OXR1: variants seen among roughly 807,000 people sequenced by gnomAD.
OXR1 encodes the protein oxidation resistance protein 1.
Under a neutral mutation model 104.6 loss-of-function variants are expected in OXR1, and 41 were observed. The observed-to-expected ratio is 0.39, with a 90% confidence interval of 0.31 to 0.51. The LOEUF is 0.51. Ranked by LOEUF, OXR1 falls within the 20% of genes least tolerant of loss-of-function variation. The pLI is 0.77. For synonymous variants in OXR1, 348 were observed against 348.4 expected (o/e 1.00, Z 0.01); for missense variants, 955 against 1,031.9 (o/e 0.93, Z 1.02).
At chr8:106,348,236 G>A (rs1376922811) in intron 1 of OXR1, among the ~76,000 whole-genome samples, 3 of 152,090 alleles carry the variant, frequency 2.0e-5, no homozygotes, top group African/African-American at 7.2e-5. Flanking sequence ...TATCAACAAG[G>A]TGACTTGGGC....
At chr8:106,549,792 C>T (rs926495354) in intron 3 of OXR1, among the ~76,000 whole-genome samples, 6 of 152,144 alleles carry the variant, frequency 3.9e-5, no homozygotes, top group African/African-American at 1.4e-4. Flanking sequence ...CATCATGGCT[C>T]TGCTCTCAGG....
chr8:106,453,340 C>T (rs1024461504), intron 2 of OXR1, among the ~76,000 whole-genome samples: 71 of 152,148 alleles, frequency 4.7e-4, no homozygotes, highest in Non-Finnish European at 1.8e-4. Context: ...GTACATGGAC[C>T]ACTTTGAAAA....
chr8:106,323,224 G>A, intron 1 of OXR1, among the ~76,000 whole-genome samples: 1 of 152,118 alleles, frequency 6.6e-6, no homozygotes, highest in Admixed American at 6.6e-5. Flanking sequence ...AGCCCAGAAA[G>A]AAGTCTGCAC....
chr8:106,511,534 C>T (rs756674800), intron 2 of OXR1, among the ~76,000 whole-genome samples: 3 of 121,484 alleles, frequency 2.5e-5, no homozygotes, highest in Admixed American at 9.7e-5. Context: ...CTCACACACA[C>T]ATACACACAC....
chr8:106,499,241 T>C (rs1365536310), intron 2 of OXR1, among the ~76,000 whole-genome samples: 2 of 151,846 alleles, frequency 1.3e-5, no homozygotes, highest in Non-Finnish European at 2.9e-5. Context: ...TTGACAACTA[T>C]AATTTTGCTT....
At chr8:106,408,153 T>C (rs549818437) in intron 2 of OXR1, among the ~76,000 whole-genome samples, 2 of 152,278 alleles carry the variant, frequency 1.3e-5, no homozygotes, top group African/African-American at 2.4e-5. Flanking sequence ...GCGTTGCTCT[T>C]GAGAACCCCT....
intron 12 of OXR1, 74 bp downstream of exon 12, chr8:106,737,674 A>T: frequency 1.9e-6 from 1 of 519,694 alleles, no homozygotes; most frequent in Admixed American, 4.1e-5. Flanking sequence ...GTCATGGCAA[A>T]TCTCATTTGA....
chr8:106,411,110 T>G (rs990484476), intron 2 of OXR1, among the ~76,000 whole-genome samples: 4 of 152,124 alleles, frequency 2.6e-5, no homozygotes, highest in African/African-American at 9.7e-5. Context: ...AGAAAAAGCA[T>G]TTTATGATAT....
intron 3 of OXR1, among the ~76,000 whole-genome samples, chr8:106,624,824 C>T (rs1038489287): frequency 6.6e-6 from 1 of 152,134 alleles, no homozygotes; most frequent in Non-Finnish European, 1.5e-5. Flanking sequence ...CAGGATCTCA[C>T]TCTGTTGCCG....
rs1821588685 is a variant in OXR1, at chr8:106,472,808, A to C, written c.24-46135A>C. Among the ~76,000 whole-genome samples, 2 of 151,868 alleles carry C rather than the reference A, an allele frequency of 1.3e-5. 1 individual carries two copies. The highest frequency in any genetic ancestry group is 4.1e-4 in the South Asian group (2 of 4,830). On this transcript the variant is annotated intron_variant, in intron 2 of 16. Transcript: ENST00000517566. ...GAATTTCTCTTTGTTAAGCCAGAGT[A>C]ATCAGTAGTCTCACTCCCTATGGTC...
chr8:106,751,050 A>G lies in OXR1; in HGVS notation c.*109A>G. 1 of 785,500 alleles carries G rather than the reference A, an allele frequency of 1.3e-6. No homozygotes were observed. The allele number at this position is 785,500 out of a possible 1,614,324, so 48.7% of individuals were successfully genotyped here. On this transcript the variant is annotated 3_prime_UTR_variant, in exon 17 of 17. Coordinates refer to ENST00000517566, the MANE Select transcript of OXR1 (RefSeq NM_001198533.2). ...GTGTAACATGTCACTTGTGCTTTAA[A>G]ATTAGTCTGTATCACCATTTATTAC...
At chr8:106,657,799 G>C (rs981432252) in intron 3 of OXR1, 6 of 1,225,634 alleles carry the variant, frequency 4.9e-6, no homozygotes, top group African/African-American at 1.6e-5. Context: ...CCCGACGCGT[G>C]GTTTCCTGAT....
At chr8:106,389,161 T>G (rs1009424911) in intron 2 of OXR1, among the ~76,000 whole-genome samples, 5 of 152,304 alleles carry the variant, frequency 3.3e-5, no homozygotes, top group Middle Eastern at 3.4e-3. Flanking sequence ...TTAATTTTTG[T>G]AATGATGACA....
At chr8:106,499,168 C>CAA (rs71307063) in intron 2 of OXR1, among the ~76,000 whole-genome samples, 3,623 of 7,630 alleles carry the variant, frequency 0.47, 1,322 homozygotes, top group Non-Finnish European at 0.64. Flanking sequence ...GACTCCGTCT[C>CAA]AAAAAAAAAA....
intron 2 of OXR1, among the ~76,000 whole-genome samples, chr8:106,490,181 ATTTG>A (rs1219233869): frequency 6.6e-6 from 1 of 152,066 alleles, no homozygotes; most frequent in Non-Finnish European, 1.5e-5. Flanking sequence ...GTAGTATTTT[ATTTG>A]TTTTTCTTTC....
chr8:106,439,342 C>T (rs144038354), intron 2 of OXR1, among the ~76,000 whole-genome samples: 333 of 152,050 alleles, frequency 2.2e-3, no homozygotes, highest in African/African-American at 7.5e-3. Context: ...AGAGAGCCCT[C>T]GCCAAAAACC....
intron 1 of OXR1, among the ~76,000 whole-genome samples, chr8:106,275,151 G>A (rs1452562636): frequency 6.6e-6 from 1 of 152,240 alleles, no homozygotes; most frequent in Non-Finnish European, 1.5e-5. Flanking sequence ...TTGGTGAGAT[G>A]CAGAAGGCAG....
chr8:106,274,287 A>G (rs1014888880), intron 1 of OXR1, among the ~76,000 whole-genome samples: 12 of 152,190 alleles, frequency 7.9e-5, no homozygotes, highest in Non-Finnish European at 1.6e-4. Flanking sequence ...GTAATAAGAT[A>G]CTGTTCTAAT....
intron 2 of OXR1, among the ~76,000 whole-genome samples, chr8:106,510,140 T>C (rs1294844335): frequency 1.3e-5 from 2 of 152,214 alleles, no homozygotes; most frequent in Admixed American, 6.5e-5. Flanking sequence ...TTAATCATTA[T>C]ATCCACTACC....
Sources: gnomAD v4.1 joint callset for allele counts (sites outside exome capture counted in the v4.1 genomes callset) on GRCh38, gnomAD v4.1.1 for gene constraint, MANE v1.5 for transcripts, NCBI Gene and HGNC (gene_info 2026-07-23, HGNC 2026-07-21) for gene names.